PCDHGA12: variants seen among roughly 807,000 people sequenced by gnomAD.
The protein encoded by PCDHGA12 is protocadherin gamma subfamily A, 12.
PCDHGA12 carries 43 observed loss-of-function variants against 61.1 expected under a neutral mutation model. The ratio of observed to expected loss-of-function variants is 0.70; its 90% CI spans 0.55 to 0.91. The LOEUF is 0.91. Ranked by LOEUF, PCDHGA12 falls within the 40% of genes least tolerant of loss-of-function variation. PCDHGA12 has a pLI of 0.00. For synonymous variants in PCDHGA12, 520 were observed against 542.9 expected (o/e 0.96, Z 0.59); for missense variants, 1,236 against 1,227.7 (o/e 1.01, Z -0.10).
chr5:141,456,536 G>A (rs1231730255), intron 1 of PCDHGA12, among the ~76,000 whole-genome samples: 1 of 152,158 alleles, frequency 6.6e-6, no homozygotes, highest in Non-Finnish European at 1.5e-5. Flanking sequence ...AATTAAAGAG[G>A]GATTGTAGCC....
chr5:141,436,781 A>C (rs1041532929), intron 1 of PCDHGA12, among the ~76,000 whole-genome samples: 1 of 152,236 alleles, frequency 6.6e-6, no homozygotes, highest in Admixed American at 6.5e-5. Flanking sequence ...TGTGGATGGA[A>C]ATAAAACTGT....
intron 2 of PCDHGA12, among the ~76,000 whole-genome samples, chr5:141,502,186 CA>C (rs1470455379): frequency 1.3e-5 from 2 of 152,148 alleles, no homozygotes; most frequent in Non-Finnish European, 2.9e-5. Context: ...AACATTAATA[CA>C]ATAATATAGA....
At chr5:141,505,245 A>G (rs530515894) in intron 2 of PCDHGA12, 148 bp from the exon 3 acceptor site, 294 of 1,430,832 alleles carry the variant, frequency 2.1e-4, no homozygotes, top group Admixed American at 1.8e-3. Flanking sequence ...GAAGGATTGT[A>G]GAAGTGCCTC....
chr5:141,466,496 GCA>G (rs2099123596), intron 1 of PCDHGA12, among the ~76,000 whole-genome samples: 1 of 152,120 alleles, frequency 6.6e-6, no homozygotes. Context: ...TTTAATTAGA[GCA>G]CAGACAAGAT....
At chr5:141,474,607 A>C (rs1334447439) in intron 1 of PCDHGA12, among the ~76,000 whole-genome samples, 1 of 152,238 alleles carries the variant, frequency 6.6e-6, no homozygotes, top group Non-Finnish European at 1.5e-5. Context: ...TAGGTCACAT[A>C]TGGCTTTTCA....
rs575738328 is a variant in PCDHGA12 at position 141,433,123 on chromosome 5, C to T, written c.2364C>T (p.Ser788=). Residue 788 remains serine, a synonymous_variant, in exon 1 of 4, where the codon AGC becomes AGT. Coordinates refer to ENST00000252085, the MANE Select transcript of PCDHGA12 (RefSeq NM_003735.3). ...TCAGCCAGGAGAGCTTTGAAAAAAGCGAGCCCCTTTTGCTGTCAGGTGATT... is the reference window on the plus strand; with the variant it reads ...TCAGCCAGGAGAGCTTTGAAAAAAGTGAGCCCCTTTTGCTGTCAGGTGATT... ...MLVSQESFEK[S]EPLLLSGDSV... 3.1e-6 allele frequency: 5 copies of T among 1,614,116 alleles called. No homozygotes were observed. Among genetic ancestry groups the T allele is most frequent in the African/African-American group, 2.7e-5 (2 of 75,028 alleles).
intron 2 of PCDHGA12, among the ~76,000 whole-genome samples, chr5:141,497,661 T>A (rs1485909952): frequency 3.3e-5 from 5 of 151,062 alleles, no homozygotes; most frequent in African/African-American, 4.9e-5. Context: ...TGCCTCAGCC[T>A]CCCGAGTAGC....
intron 1 of PCDHGA12, chr5:141,478,885 A>G (rs2099483148): frequency 8.4e-7 from 1 of 1,193,320 alleles, no homozygotes; most frequent in East Asian, 2.6e-5. Flanking sequence ...GCTTGGTATC[A>G]TTTACATTAG....
In PCDHGA12 at chr5:141,431,964, A is replaced by G; in HGVS notation, c.1205A>G (p.Tyr402Cys). Residue 402 changes from tyrosine to cysteine, a missense_variant, in exon 1 of 4, where the codon TAT becomes TGT. Coordinates refer to ENST00000252085, the MANE Select transcript of PCDHGA12 (RefSeq NM_003735.3). The surrounding 1 kb of genome is among the most constrained non-coding windows in gnomAD (Gnocchi z 4.8). The part of the protein sequence containing the change: ...FKLEKSYGNY[Y>C]SLVTDIVLDR... Reference sequence around the variant, plus strand: ...TTAGAAAAATCTTACGGAAATTACTATAGTTTAGTCACAGACATAGTCTTG... The same window carrying G: ...TTAGAAAAATCTTACGGAAATTACTGTAGTTTAGTCACAGACATAGTCTTG... 2.5e-6 allele frequency: 4 copies of G among 1,614,218 alleles called. No individual in the cohort carries two copies. The highest frequency in any genetic ancestry group is 2.5e-6 in the Non-Finnish European group (3 of 1,180,028).
rs1193465269 is a variant in PCDHGA12 at position 141,467,055 on chromosome 5, C to CT, written c.2425-27736dup. Among the ~76,000 whole-genome samples, 814 of 134,448 alleles carry CT rather than the reference C, an allele frequency of 6.1e-3. 10 individuals carry two copies. Among genetic ancestry groups the CT allele is most frequent in the African/African-American group, 0.018 (656 of 36,920 alleles). The allele number at this position is 134,448 out of a possible 152,430, so 88.2% of individuals were successfully genotyped here. A position where few individuals can be genotyped will look rare whatever the true frequency, so the allele number is the denominator to read the frequency against. Reference sequence around the variant, plus strand: ...TTTTTGTGTAATGAATCAATGTTTTCTTTTTTTTTTTTTTTTAGACCAAGT... The same window carrying CT: ...TTTTTGTGTAATGAATCAATGTTTTCTTTTTTTTTTTTTTTTTAGACCAAGT... On this transcript the variant is annotated intron_variant, in intron 1 of 3. Coordinates refer to ENST00000252085, the MANE Select transcript of PCDHGA12 (RefSeq NM_003735.3).
intron 1 of PCDHGA12, chr5:141,478,551 G>A (rs759604162): frequency 6.2e-6 from 10 of 1,603,054 alleles, no homozygotes; most frequent in South Asian, 3.3e-5. Context: ...GGACAGGTAA[G>A]GTTTAGCAAG....
At chr5:141,465,747 A>G (rs2099108470) in intron 1 of PCDHGA12, among the ~76,000 whole-genome samples, 2 of 151,126 alleles carry the variant, frequency 1.3e-5, no homozygotes, top group African/African-American at 4.9e-5. Flanking sequence ...TCAGGATCAG[A>G]CTGGTAAAGT....
Position 141,485,331 on chromosome 5 carries a change from T to C in PCDHGA12, c.2425-9476T>C, listed in dbSNP as rs1203054851. On this transcript the variant is annotated intron_variant, in intron 1 of 3. Transcript: ENST00000252085. This position sits in a 1 kb window ranked among gnomAD's most constrained non-coding sequence, Gnocchi z 5.7. Reference sequence around the variant, plus strand: ...GTAGGGAATGTCGCTCAAGATTTCCTGCTGGATACGGACAGTCTGTCAGCT... The same window carrying C: ...GTAGGGAATGTCGCTCAAGATTTCCCGCTGGATACGGACAGTCTGTCAGCT... 6.2e-7 allele frequency: 1 copy of C among 1,614,048 alleles called. No individual in the cohort carries two copies. Among genetic ancestry groups the C allele is most frequent in the African/African-American group, 1.3e-5 (1 of 74,902 alleles).
intron 1 of PCDHGA12, among the ~76,000 whole-genome samples, chr5:141,452,199 G>T (rs2098736057): frequency 1.3e-5 from 2 of 151,778 alleles, no homozygotes; most frequent in African/African-American, 4.8e-5. Flanking sequence ...AATTGTTTTA[G>T]ATGTTACCAA....
intron 2 of PCDHGA12, 79 bp downstream of exon 2, chr5:141,494,944 C>T: frequency 1.9e-6 from 3 of 1,609,850 alleles, no homozygotes; most frequent in Non-Finnish European, 2.5e-6. Context: ...TGGGGGAGGG[C>T]CCAGCATTTG....
chr5:141,432,482 G>T lies in PCDHGA12; in HGVS notation c.1723G>T (p.Val575Leu), dbSNP rs768206517. 2.5e-6 allele frequency: 4 copies of T among 1,614,060 alleles called. No individual in the cohort carries two copies. Among genetic ancestry groups the T allele is most frequent in the Non-Finnish European group, 3.4e-6 (4 of 1,180,052 alleles). ...CCTCCCCACGGACGGTTCCACTGGC[G>T]TGGAGCTGGCTCCCCGCTCCGCAGA... ...PALPTDGSTGVELAPRSAEPG... is the reference protein window; with the variant it reads ...PALPTDGSTGLELAPRSAEPG... The change falls in exon 1 of 4, where the codon GTG (valine) becomes TTG (leucine). Residue 575 changes from valine (V) to leucine (L), a missense_variant. Physicochemically the swap from Val to Leu is conservative, Grantham distance 32 (BLOSUM62 1). Transcript: ENST00000252085. The surrounding 1 kb of genome is among the most constrained non-coding windows in gnomAD (Gnocchi z 6.0).
intron 2 of PCDHGA12, among the ~76,000 whole-genome samples, chr5:141,497,642 C>T (rs1426920174): frequency 1.3e-5 from 2 of 151,352 alleles, no homozygotes; most frequent in Middle Eastern, 3.4e-3. Context: ...CAGGTTCAAG[C>T]GATTCTCCTG....
intron 3 of PCDHGA12, among the ~76,000 whole-genome samples, chr5:141,508,711 T>G (rs1201917424): frequency 6.6e-6 from 1 of 152,058 alleles, no homozygotes; most frequent in Admixed American, 6.5e-5. Flanking sequence ...CTCATTCTTT[T>G]CTGTGTGCAG....
Position 141,505,488 on chromosome 5 carries a change from G to A in PCDHGA12, c.2572+7G>A. On this transcript the variant is annotated splice_region_variant and intron_variant, in intron 3 of 3. Transcript: ENST00000252085. Reference sequence around the variant, plus strand: ...ATCTTGGCGTCCGCCAGTGGTAAGTGGTGTCAGTGTGTGTATGGAAGAGTG... The same window carrying A: ...ATCTTGGCGTCCGCCAGTGGTAAGTAGTGTCAGTGTGTGTATGGAAGAGTG... The A allele has an allele frequency of 6.2e-7, 1 of 1,614,222 alleles. No individual in the cohort carries two copies. The highest frequency in any genetic ancestry group is 8.5e-7 in the Non-Finnish European group (1 of 1,180,018).
Sources: allele counts gnomAD v4.1 joint callset (sites outside exome capture counted in the v4.1 genomes callset), GRCh38; gene constraint gnomAD v4.1.1; non-coding constraint Gnocchi (gnomAD v3.1); transcripts MANE v1.5; gene names NCBI Gene and HGNC (gene_info 2026-07-23, HGNC 2026-07-21).